GRIA2: variants seen among roughly 807,000 people sequenced by gnomAD.
GRIA2 encodes the protein glutamate ionotropic receptor AMPA type subunit 2, also known as glutamate receptor 2.
GRIA2 carries 14 observed loss-of-function variants against 97.3 expected under a neutral mutation model. The observed-to-expected ratio is 0.14, with a 90% confidence interval of 0.10 to 0.23. The LOEUF is 0.23. Among genes scored for constraint, GRIA2 ranks in the 10% least tolerant of loss-of-function variants. The probability of loss-of-function intolerance (pLI) is 1.00; values close to 1 mark genes in which losing one functional copy is unlikely to be tolerated. For missense variants in GRIA2, 558 were observed against 1,069.8 expected, an observed-to-expected ratio of 0.52 and a Z score of 6.67; for synonymous variants, 412 against 387.8, an observed-to-expected ratio of 1.06 and a Z score of -0.73.
intron 1 of GRIA2, 165 bp downstream of exon 1, chr4:157,221,295 AG>A (rs571681007): frequency 2.8e-5 from 17 of 603,756 alleles, no homozygotes; most frequent in African/African-American, 2.0e-4. Flanking sequence ...ATGAAGCAAA[AG>A]GAAAAGACTA....
intron 2 of GRIA2, among the ~76,000 whole-genome samples, chr4:157,297,491 C>T (rs1025883337): frequency 6.6e-6 from 1 of 152,126 alleles, no homozygotes; most frequent in Non-Finnish European, 1.5e-5. Flanking sequence ...TTAATACTTC[C>T]CTGTCCCACA....
chr4:157,231,934 A>C (rs1460014691), intron 2 of GRIA2, among the ~76,000 whole-genome samples: 2 of 152,226 alleles, frequency 1.3e-5, no homozygotes, highest in East Asian at 3.8e-4. Context: ...ATGTCTTGGA[A>C]GAATATTTAA....
At chr4:157,362,364 C>T in intron 14 of GRIA2, 1 of 456,428 alleles carries the variant, frequency 2.2e-6, no homozygotes, top group South Asian at 1.5e-5. Context: ...GTAACATGGT[C>T]AACATTTAAA....
chr4:157,317,713 TA>T lies in GRIA2; in HGVS notation c.720+3del. 2 of 1,186,898 alleles carry T rather than the reference TA, an allele frequency of 1.7e-6. No homozygotes were observed. The highest frequency in any genetic ancestry group is 1.3e-5 in the South Asian group (1 of 79,374). 73.5% of individuals were successfully genotyped at this position (1,186,898 alleles called of 1,614,324 possible). Reference sequence around the variant, plus strand: ...TACCACTACATCATTGCAAATCTGGTAGGTGAATTAATTGGTATATATTATT... The same window carrying T: ...TACCACTACATCATTGCAAATCTGGTGGTGAATTAATTGGTATATATTATT... On this transcript the variant is annotated splice_donor_region_variant and intron_variant, in intron 5 of 15. Coordinates refer to ENST00000264426, the MANE Select transcript of GRIA2 (RefSeq NM_001083619.3).
At chr4:157,263,038 A>G (rs1360467678) in intron 2 of GRIA2, among the ~76,000 whole-genome samples, 4 of 152,082 alleles carry the variant, frequency 2.6e-5, no homozygotes, top group Admixed American at 2.0e-4. Flanking sequence ...TAAAAATATG[A>G]CTTTTCTGGT....
At chr4:157,344,909 ATT>A (rs1735706206) in intron 12 of GRIA2, among the ~76,000 whole-genome samples, 1 of 152,126 alleles carries the variant, frequency 6.6e-6, no homozygotes, top group Non-Finnish European at 1.5e-5. Context: ...AGAATTCAGA[ATT>A]TGGAACTCCT....
intron 12 of GRIA2, among the ~76,000 whole-genome samples, chr4:157,354,118 A>G (rs1287147414): frequency 6.6e-6 from 1 of 152,180 alleles, no homozygotes; most frequent in Non-Finnish European, 1.5e-5. Flanking sequence ...GAAACATGAC[A>G]TTTTAGGAGA....
At chr4:157,240,641 T>C (rs989235887) in intron 2 of GRIA2, among the ~76,000 whole-genome samples, 5 of 152,014 alleles carry the variant, frequency 3.3e-5, no homozygotes, top group Non-Finnish European at 7.4e-5. Flanking sequence ...TCTGAACCCG[T>C]CGATTTTAAT....
At chr4:157,254,914 T>C (rs1231838412) in intron 2 of GRIA2, among the ~76,000 whole-genome samples, 1 of 152,074 alleles carries the variant, frequency 6.6e-6, no homozygotes, top group Non-Finnish European at 1.5e-5. Context: ...GTTATGAAAA[T>C]ATAGTGCACA....
intron 12 of GRIA2, among the ~76,000 whole-genome samples, chr4:157,348,519 A>G (rs1735862813): frequency 6.6e-6 from 1 of 152,132 alleles, no homozygotes; most frequent in Admixed American, 6.5e-5. Flanking sequence ...TATTACAGGC[A>G]TGAGCCACCT....
At chr4:157,322,502 A>G (rs1290684983) in intron 6 of GRIA2, among the ~76,000 whole-genome samples, 1 of 152,152 alleles carries the variant, frequency 6.6e-6, no homozygotes, top group Non-Finnish European at 1.5e-5. Flanking sequence ...TCACTTGTTT[A>G]TTTGATGCAT....
Position 157,332,908 on chromosome 4 carries a change from G to C in GRIA2, c.972G>C (p.Arg324Ser). Residue 324 changes from arginine (R) to serine (S), a missense_variant, in exon 7 of 16, where the codon AGG becomes AGC. Transcript: ENST00000264426. ...LRKQRIEISR[R>S]GNAGDCLANP... ...AGCAAAGAATTGAAATCTCCCGAAG[G>C]GGGAATGCAGGAGACTGTCTGGCAA... 2 of 1,612,582 alleles carry C rather than the reference G, an allele frequency of 1.2e-6. No individual in the cohort carries two copies. Among genetic ancestry groups the C allele is most frequent in the Non-Finnish European group, 1.7e-6 (2 of 1,178,968 alleles).
At chr4:157,261,512 A>G (rs1329989234) in intron 2 of GRIA2, among the ~76,000 whole-genome samples, 1 of 152,160 alleles carries the variant, frequency 6.6e-6, no homozygotes, top group African/African-American at 2.4e-5. Context: ...AATTAAAAAT[A>G]ACCAGACTCA....
chr4:157,342,382 G>A (rs1237561713), intron 12 of GRIA2: 4 of 984,850 alleles, frequency 4.1e-6, no homozygotes, highest in Non-Finnish European at 4.8e-6. Context: ...ATGGGAGAAA[G>A]GGTTCTGGGA....
chr4:157,305,139 T>G (rs1733787124), intron 3 of GRIA2, among the ~76,000 whole-genome samples: 1 of 152,230 alleles, frequency 6.6e-6, no homozygotes, highest in African/African-American at 2.4e-5. Context: ...AAAACTGAGC[T>G]TATTAAATAA....
intron 12 of GRIA2, among the ~76,000 whole-genome samples, chr4:157,350,923 A>C (rs1177424542): frequency 6.9e-6 from 1 of 145,132 alleles, no homozygotes; most frequent in Non-Finnish European, 1.5e-5. Context: ...ATTTTACATT[A>C]GTTTTTTCTT....
At chr4:157,351,908 A>T (rs993006220) in intron 12 of GRIA2, among the ~76,000 whole-genome samples, 4 of 152,174 alleles carry the variant, frequency 2.6e-5, no homozygotes, top group African/African-American at 9.7e-5. Context: ...AGAGAATTAA[A>T]CTTCTTCCCT....
chr4:157,344,476 G>T (rs1026895516), intron 12 of GRIA2, among the ~76,000 whole-genome samples: 1 of 152,034 alleles, frequency 6.6e-6, no homozygotes, highest in Non-Finnish European at 1.5e-5. Context: ...CTAAAGCCAG[G>T]CTGAAAACAT....
intron 2 of GRIA2, among the ~76,000 whole-genome samples, chr4:157,237,205 G>C (rs544815549): frequency 1.3e-5 from 2 of 150,396 alleles, no homozygotes; most frequent in African/African-American, 4.9e-5. Context: ...ACAGAATCCC[G>C]TTTTATTTTT....
Sources: gnomAD v4.1 joint callset for allele counts (sites outside exome capture counted in the v4.1 genomes callset) on GRCh38, gnomAD v4.1.1 for gene constraint, MANE v1.5 for transcripts, NCBI Gene and HGNC (gene_info 2026-07-23, HGNC 2026-07-21) for gene names.